ZNF366: variants seen among roughly 807,000 people sequenced by gnomAD.
The protein encoded by ZNF366 is zinc finger protein 366.
ZNF366 carries 20 observed loss-of-function variants against 47.2 expected under a neutral mutation model. The observed-to-expected ratio is 0.42, with a 90% CI of 0.30 to 0.62. The LOEUF (loss-of-function observed/expected upper bound fraction) is 0.62, where lower values mean the gene tolerates loss of function less well. Among genes scored for constraint, ZNF366 ranks in the 20% least tolerant of loss-of-function variants. The pLI is 0.16. For synonymous variants in ZNF366, 421 were observed against 395.1 expected (o/e 1.07, Z -0.78); for missense variants, 987 against 976.3 (o/e 1.01, Z -0.15).
At chr5:72,469,612 T>C (rs1174409744) in intron 1 of ZNF366, among the ~76,000 whole-genome samples, 1 of 152,220 alleles carries the variant, frequency 6.6e-6, no homozygotes. Context: ...ACCAGCATTT[T>C]TGTGTGTGTA....
Position 72,442,422 on chromosome 5 carries a change from T to C in ZNF366, c.*1334A>G, listed in dbSNP as rs1184430829. 1 of 152,140 alleles carries C rather than the reference T, an allele frequency of 6.6e-6. No homozygotes were observed. The highest frequency in any genetic ancestry group is 1.5e-5 in the Non-Finnish European group (1 of 68,014). 9.4% of individuals were successfully genotyped at this position (152,140 alleles called of 1,614,324 possible). A position where few individuals can be genotyped will look rare whatever the true frequency, so the allele number is the denominator to read the frequency against. On this transcript the variant is annotated 3_prime_UTR_variant, in exon 5 of 5. Coordinates refer to ENST00000318442, the MANE Select transcript of ZNF366 (RefSeq NM_152625.3). ...ATCAGAATCTTAATGGGTAAGGCCT[T>C]GGTTTGGTGGTTTTTTTTTAAAGGT... is the stretch of plus-strand genomic sequence containing the variant.
chr5:72,499,465 T>C (rs1744168817), intron 1 of ZNF366, among the ~76,000 whole-genome samples: 1 of 150,412 alleles, frequency 6.6e-6, no homozygotes, highest in African/African-American at 2.4e-5. Flanking sequence ...ATTCTAGCAC[T>C]TCAGGAATCC....
At chr5:72,502,798 A>T (rs1184825796) in intron 1 of ZNF366, among the ~76,000 whole-genome samples, 1 of 152,210 alleles carries the variant, frequency 6.6e-6, no homozygotes, top group Non-Finnish European at 1.5e-5. Context: ...GCTCACTCTA[A>T]GATGCAAATA....
At chr5:72,455,354 C>T (rs1198984341) in intron 3 of ZNF366, among the ~76,000 whole-genome samples, 1 of 152,166 alleles carries the variant, frequency 6.6e-6, no homozygotes, top group Non-Finnish European at 1.5e-5. Flanking sequence ...AAACAGGGAA[C>T]CCCACTTCAG....
intron 4 of ZNF366, among the ~76,000 whole-genome samples, chr5:72,446,203 A>C (rs1285410173): frequency 6.6e-6 from 1 of 152,166 alleles, no homozygotes; most frequent in Non-Finnish European, 1.5e-5. Flanking sequence ...AGTTTATCTA[A>C]CACCTCTAGG....
intron 1 of ZNF366, among the ~76,000 whole-genome samples, chr5:72,506,090 C>T (rs529883880): frequency 6.6e-6 from 1 of 152,320 alleles, no homozygotes; most frequent in African/African-American, 2.4e-5. Flanking sequence ...AAAGCATAGT[C>T]TAGCCAAATT....
Position 72,456,480 on chromosome 5 carries a change from T to C in ZNF366, c.1448A>G (p.Tyr483Cys), listed in dbSNP as rs1464355765. Residue 483 changes from tyrosine (Y) to cysteine (C), a missense_variant, in exon 3 of 5, where the codon TAC becomes TGC. Tyr to Cys is a radical substitution (Grantham distance 194, BLOSUM62 -2). Transcript: ENST00000318442. ...NIRAYQCHLC[Y>C]KSFVQKQTLK... ...GGTCTGCTTCTGCACGAAGCTCTTG[T>C]AGCAGAGGTGACACTGGTAGGCGCG... is the stretch of plus-strand genomic sequence containing the variant. 3 of 1,613,920 alleles carry C rather than the reference T, an allele frequency of 1.9e-6. No homozygotes were observed. Among genetic ancestry groups the C allele is most frequent in the Admixed American group, 1.7e-5 (1 of 59,998 alleles).
intron 1 of ZNF366, among the ~76,000 whole-genome samples, chr5:72,492,482 C>T (rs548232645): frequency 6.6e-6 from 1 of 152,194 alleles, no homozygotes; most frequent in South Asian, 2.1e-4. Flanking sequence ...AACAAACAAA[C>T]AACAACAACA....
chr5:72,487,067 G>A (rs11738874), intron 1 of ZNF366, among the ~76,000 whole-genome samples: 27,289 of 152,144 alleles, frequency 0.18, 2,697 homozygotes, highest in East Asian at 0.38. Context: ...GAGCCACTAC[G>A]CCCTGATTCT....
At chr5:72,498,678 A>G (rs962942714) in intron 1 of ZNF366, among the ~76,000 whole-genome samples, 45 of 152,334 alleles carry the variant, frequency 3.0e-4, no homozygotes, top group African/African-American at 1.0e-3. Context: ...AACATCAGAT[A>G]CTACATTCTT....
chr5:72,461,382 G>C lies in ZNF366; in HGVS notation c.115C>G (p.Pro39Ala). ...LQPVASRGKA[P>A]QRHPFPEALR... Reference sequence around the variant, plus strand: ...GCTTCCGGGAAGGGGTGTCTTTGGGGAGCCTTTCCCCGAGAAGCCACTGGC... The same window carrying C: ...GCTTCCGGGAAGGGGTGTCTTTGGGCAGCCTTTCCCCGAGAAGCCACTGGC... Residue 39 changes from proline (P) to alanine (A), a missense_variant, in exon 2 of 5, where the codon CCC (proline) becomes GCC (alanine). This residue lies in a region of ZNF366 where 591 missense variants were observed against 560.9 expected (regional missense o/e 1.05). Transcript: ENST00000318442. 1 of 1,613,970 alleles carries C rather than the reference G, an allele frequency of 6.2e-7. No individual in the cohort carries two copies. Among genetic ancestry groups the C allele is most frequent in the Non-Finnish European group, 8.5e-7 (1 of 1,179,920 alleles).
intron 2 of ZNF366, among the ~76,000 whole-genome samples, chr5:72,457,930 A>C (rs911670003): frequency 6.6e-6 from 1 of 152,012 alleles, no homozygotes; most frequent in East Asian, 1.9e-4. Flanking sequence ...AATGTAGTGC[A>C]TATTCAAACA....
chr5:72,488,088 G>C (rs1383373044), intron 1 of ZNF366, among the ~76,000 whole-genome samples: 1 of 151,930 alleles, frequency 6.6e-6, no homozygotes, highest in Non-Finnish European at 1.5e-5. Flanking sequence ...CACACCTATA[G>C]TCCCAGCTAC....
intron 1 of ZNF366, among the ~76,000 whole-genome samples, chr5:72,465,181 C>T (rs34666506): frequency 0.041 from 6,228 of 152,238 alleles, 192 homozygotes; most frequent in Non-Finnish European, 0.063. Flanking sequence ...GGATCATCAC[C>T]GGTCCCTACA....
At chr5:72,480,959 C>G (rs1427864946) in intron 1 of ZNF366, among the ~76,000 whole-genome samples, 1 of 152,086 alleles carries the variant, frequency 6.6e-6, no homozygotes, top group African/African-American at 2.4e-5. Flanking sequence ...AAGAAGTGAG[C>G]CCTGGGCCAA....
chr5:72,472,759 C>T (rs1293077216), intron 1 of ZNF366, among the ~76,000 whole-genome samples: 4 of 152,190 alleles, frequency 2.6e-5, no homozygotes, highest in African/African-American at 2.4e-5. Context: ...CAAGGGTGAG[C>T]CCTGTAGATT....
intron 1 of ZNF366, among the ~76,000 whole-genome samples, chr5:72,468,675 G>A (rs1353604071): frequency 6.6e-6 from 1 of 152,152 alleles, no homozygotes; most frequent in African/African-American, 2.4e-5. Context: ...AAATGGATGT[G>A]GGTTTCATTT....
In ZNF366 at chr5:72,444,084, G is replaced by A. The variant is rs747764424; in HGVS notation, c.1907C>T (p.Ala636Val). 4 of 1,614,118 alleles carry A rather than the reference G, an allele frequency of 2.5e-6. No homozygotes were observed. The highest frequency in any genetic ancestry group is 1.7e-5 in the Admixed American group (1 of 60,028). ...YEVEPYSPGL[A>V]PQSQQLCTPE... ...TGTGCAGAGCTGCTGGCTCTGGGGG[G>A]CCAGGCCAGGGCTGTAGGGCTCCAC... Residue 636 changes from alanine (A) to valine (V), a missense_variant, in exon 5 of 5, where the codon GCC becomes GTC. By Grantham distance (64) the Ala-to-Val change is moderately conservative. Transcript: ENST00000318442.
intron 3 of ZNF366, among the ~76,000 whole-genome samples, chr5:72,447,846 A>C (rs1292912244): frequency 1.3e-5 from 2 of 152,214 alleles, no homozygotes; most frequent in Non-Finnish European, 2.9e-5. Context: ...CACACCAATC[A>C]TATGAGATGG....
Sources: gnomAD v4.1 joint callset for allele counts (sites outside exome capture counted in the v4.1 genomes callset) on GRCh38, gnomAD v4.1.1 for gene constraint, gnomAD v4.1.1 regional missense constraint, MANE v1.5 for transcripts, NCBI Gene and HGNC (gene_info 2026-07-23, HGNC 2026-07-21) for gene names.